The following CCNB3 variants were observed in gnomAD, a reference collection of about 807,000 sequenced individuals.
CCNB3 encodes cyclin B3, also known as G2/mitotic-specific cyclin-B3.
A neutral mutation model predicts 68.0 loss-of-function variants in CCNB3; 12 were observed. The observed-to-expected ratio is 0.18, with a 90% CI of 0.11 to 0.29. The LOEUF (loss-of-function observed/expected upper bound fraction) is 0.29, where lower values mean the gene tolerates loss of function less well. Among genes scored for constraint, CCNB3 ranks in the 10% least tolerant of loss-of-function variants. The probability of loss-of-function intolerance (pLI) is 1.00; values close to 1 mark genes in which losing one functional copy is unlikely to be tolerated. For synonymous variants in CCNB3, 354 were observed against 388.9 expected (o/e 0.91, Z 1.06); for missense variants, 904 against 993.1 (o/e 0.91, Z 1.21).
intron 1 of CCNB3, among the ~76,000 whole-genome samples, chrX:50,222,960 G>A (rs1273981630): frequency 4.5e-5 from 5 of 110,297 alleles, no homozygotes; most frequent in Admixed American, 9.8e-5. Context: ...GGCTTTGTTC[G>A]TTCCTTTTCT....
intron 1 of CCNB3, among the ~76,000 whole-genome samples, chrX:50,222,050 T>C (rs1935682374): frequency 9.0e-6 from 1 of 111,377 alleles, no homozygotes; most frequent in African/African-American, 3.3e-5. Context: ...TTTTGATCTT[T>C]GTTGGTTTAA....
At chrX:50,283,075 G>A (rs995685911) in intron 1 of CCNB3, among the ~76,000 whole-genome samples, 3 of 111,559 alleles carry the variant, frequency 2.7e-5, no homozygotes, top group African/African-American at 9.8e-5. Flanking sequence ...TTAAATGCCT[G>A]CCATGCATCA....
intron 5 of CCNB3, among the ~76,000 whole-genome samples, chrX:50,303,933 T>A (rs1338171945): frequency 3.6e-5 from 4 of 112,043 alleles, no homozygotes; most frequent in African/African-American, 1.3e-4. Context: ...AATTTACACC[T>A]GTTTTCTTCT....
chrX:50,317,567 G>GTATGTATGTATGTATGTATTTATT (rs1409621892), intron 8 of CCNB3, among the ~76,000 whole-genome samples: 46 of 108,372 alleles, frequency 4.2e-4, no homozygotes, highest in African/African-American at 1.6e-3. Context: ...ATGTATGTAT[G>GTATGTATGTATGTATGTATTTATT]TATTTATTTA....
chrX:50,279,223 T>A (rs1936023298), intron 1 of CCNB3, among the ~76,000 whole-genome samples: 1 of 64,766 alleles, frequency 1.5e-5, no homozygotes, highest in African/African-American at 7.1e-5. Flanking sequence ...TATATATTCA[T>A]ATATAAATAT....
rs1936499440 is a variant in CCNB3 at position 50,297,439 on chromosome X, T to G, written c.335+2446T>G. On this transcript the variant is annotated intron_variant, in intron 5 of 12. Transcript: ENST00000376042. ...AGGTTTGTCAAAGATCAGATAGTTG[T>G]TGATGTGTGGTATTATTTCTGAGGG... 2.7e-5 allele frequency among the ~76,000 whole-genome samples: 3 copies of G among 111,608 alleles called. No homozygotes were observed. In the Admixed American group the frequency reaches 2.9e-4, roughly 11 times the overall value.
chrX:50,301,492 G>C (rs1221306469), intron 5 of CCNB3, among the ~76,000 whole-genome samples: 2 of 111,667 alleles, frequency 1.8e-5, no homozygotes, highest in African/African-American at 6.5e-5. Flanking sequence ...TGTTCCTCTG[G>C]AAGTTTTGTC....
At chrX:50,303,874 G>C (rs1198638083) in intron 5 of CCNB3, among the ~76,000 whole-genome samples, 4 of 111,305 alleles carry the variant, frequency 3.6e-5, no homozygotes, top group African/African-American at 1.3e-4. Flanking sequence ...TGTTGTTTAT[G>C]ATTTTGATGT....
At chrX:50,293,479 T>C (rs931010338) in intron 4 of CCNB3, among the ~76,000 whole-genome samples, 4 of 111,393 alleles carry the variant, frequency 3.6e-5, no homozygotes, top group African/African-American at 1.3e-4. Context: ...TTGAGATCTT[T>C]CTAGCTTTTT....
chrX:50,335,641 A>T (rs1460965503), intron 8 of CCNB3, among the ~76,000 whole-genome samples: 10 of 111,964 alleles, frequency 8.9e-5, no homozygotes, highest in Non-Finnish European at 1.9e-4. Flanking sequence ...GTTGACCACC[A>T]GTCCCGGAGG....
chrX:50,291,063 GTTC>G (rs1360878308), intron 4 of CCNB3, among the ~76,000 whole-genome samples: 6 of 111,270 alleles, frequency 5.4e-5, no homozygotes, highest in Non-Finnish European at 1.1e-4. Flanking sequence ...TCATCCCTGT[GTTC>G]TTCTCAACAT....
At chrX:50,338,875 C>CT (rs1557219193) in intron 8 of CCNB3, among the ~76,000 whole-genome samples, 1 of 112,347 alleles carries the variant, frequency 8.9e-6, no homozygotes, top group African/African-American at 3.2e-5. Context: ...TGACCTGTCT[C>CT]TAAGAAGTTT....
chrX:50,317,890 A>C (rs782720871), intron 8 of CCNB3, among the ~76,000 whole-genome samples: 68 of 111,080 alleles, frequency 6.1e-4, no homozygotes, highest in African/African-American at 2.2e-3. Context: ...ATTTTATCTC[A>C]AAGGTTTATA....
At chrX:50,337,109 C>G (rs145586093) in intron 8 of CCNB3, among the ~76,000 whole-genome samples, 1 of 110,783 alleles carries the variant, frequency 9.0e-6, no homozygotes, top group Non-Finnish European at 1.9e-5. Flanking sequence ...TGTTCTCTCA[C>G]GGGCATTTGG....
intron 1 of CCNB3, among the ~76,000 whole-genome samples, chrX:50,209,112 T>C (rs1320042959): frequency 1.8e-5 from 2 of 110,603 alleles, no homozygotes; most frequent in African/African-American, 6.6e-5. Context: ...AAACCTTTCA[T>C]TGAGGTATCA....
intron 5 of CCNB3, among the ~76,000 whole-genome samples, chrX:50,295,380 C>T (rs1173789884): frequency 1.8e-5 from 2 of 111,184 alleles, no homozygotes; most frequent in African/African-American, 6.5e-5. Flanking sequence ...AGAAGCTTTA[C>T]GGGAGGTTTG....
chrX:50,228,055 A>T (rs1387516808), intron 1 of CCNB3, among the ~76,000 whole-genome samples: 1 of 88,089 alleles, frequency 1.1e-5, no homozygotes, highest in Non-Finnish European at 2.1e-5. Context: ...ATATATAAAT[A>T]TATGGAGAGA....
chrX:50,222,516 T>C (rs1398747275), intron 1 of CCNB3, among the ~76,000 whole-genome samples: 13 of 111,797 alleles, frequency 1.2e-4, no homozygotes, highest in African/African-American at 3.6e-4. Flanking sequence ...TATTTCTCCT[T>C]TGCTTATGAA....
Position 50,351,607 on chromosome X carries a change from G to C in CCNB3, c.4092G>C (p.Pro1364=), listed in dbSNP as rs782416561. The change falls in exon 13 of 13, where the codon CCG becomes CCC. Residue 1364 remains proline, a splice_region_variant and synonymous_variant. Transcript: ENST00000376042. ...LKAVYYKYSH[P]VFFEVAKIPA... ...GAGGAGACCCCTCTTCCTTTTGCAGGGTCTTCTTTGAAGTCGCCAAAATCC... is the reference window on the plus strand; with the variant it reads ...GAGGAGACCCCTCTTCCTTTTGCAGCGTCTTCTTTGAAGTCGCCAAAATCC... The C allele has an allele frequency of 8.3e-7, 1 of 1,208,769 alleles. No homozygotes were observed. The highest frequency in any genetic ancestry group is 1.1e-6 in the Non-Finnish European group (1 of 893,290).
Sources: allele counts gnomAD v4.1 joint callset (sites outside exome capture counted in the v4.1 genomes callset), GRCh38; gene constraint gnomAD v4.1.1; transcripts MANE v1.5; gene names NCBI Gene and HGNC (gene_info 2026-07-23, HGNC 2026-07-21).